The following SYT2 variants were observed in gnomAD, a reference collection of about 807,000 sequenced individuals.
SYT2 encodes the protein synaptotagmin 2.
Under a neutral mutation model 39.9 loss-of-function variants are expected in SYT2, and 15 were observed. The observed-to-expected ratio is 0.38, with a 90% CI of 0.25 to 0.58. The LOEUF (loss-of-function observed/expected upper bound fraction) is 0.58. Ranked by LOEUF, SYT2 falls within the 20% of genes least tolerant of loss-of-function variation. The probability of loss-of-function intolerance (pLI) is 0.70; values close to 1 mark genes in which losing one functional copy is unlikely to be tolerated. For synonymous variants in SYT2, 181 were observed against 204.5 expected, an observed-to-expected ratio of 0.89 and a Z score of 0.98; for missense variants, 389 against 530.3, an observed-to-expected ratio of 0.73 and a Z score of 2.62.
At chr1:202,672,764 A>G (rs1572671023) in intron 1 of SYT2, among the ~76,000 whole-genome samples, 2 of 15,100 alleles carry the variant, frequency 1.3e-4, no homozygotes, top group Non-Finnish European at 4.6e-4. Flanking sequence ...GTGGGAAATG[A>G]GAGAGGGAGG....
At chr1:202,655,068 C>A (rs147472100) in intron 1 of SYT2, among the ~76,000 whole-genome samples, 268 of 152,124 alleles carry the variant, frequency 1.8e-3, no homozygotes, top group African/African-American at 6.2e-3. Flanking sequence ...TAGAGTCAGA[C>A]CAGGTGTGAA....
intron 1 of SYT2, among the ~76,000 whole-genome samples, chr1:202,687,666 C>CAAAAAAAAAAAAAAAAAAAAAAA: frequency 1.2e-5 from 1 of 83,958 alleles, no homozygotes; most frequent in South Asian, 3.8e-4. Flanking sequence ...AACTCCATCT[C>CAAAAAAAAAAAAAAAAAAAAAAA]AAAAAAAAAA....
intron 1 of SYT2, among the ~76,000 whole-genome samples, chr1:202,706,503 CATAGTTACAA>C (rs1381506879): frequency 7.9e-5 from 12 of 152,140 alleles, no homozygotes; most frequent in Non-Finnish European, 1.3e-4. Context: ...CAATCTACGT[CATAGTTACAA>C]ATTTTAGCTC....
chr1:202,686,370 G>T (rs1438890590), intron 1 of SYT2, among the ~76,000 whole-genome samples: 1 of 152,194 alleles, frequency 6.6e-6, no homozygotes, highest in Admixed American at 6.5e-5. Context: ...AGTCCTTGCT[G>T]TCACCTTCTT....
intron 1 of SYT2, among the ~76,000 whole-genome samples, chr1:202,640,751 A>G (rs1257731842): frequency 8.4e-5 from 9 of 107,292 alleles, no homozygotes; most frequent in Non-Finnish European, 1.5e-4. Context: ...AGAGAGAGAG[A>G]GAGAGAGAGA....
In SYT2 at chr1:202,689,741, C is replaced by T. The variant is rs796066677; in HGVS notation, c.-18+20517G>A. Among the ~76,000 whole-genome samples, 7 of 152,194 alleles carry T rather than the reference C, an allele frequency of 4.6e-5. 1 individual carries two copies. The highest frequency in any genetic ancestry group is 1.7e-4 in the African/African-American group (7 of 41,500). Reference sequence around the variant, plus strand: ...GATCCTCTCAGACATCCCAGGGCTGCAGGCTGCTCCTTTACCACTAGTGAT... The same window carrying T: ...GATCCTCTCAGACATCCCAGGGCTGTAGGCTGCTCCTTTACCACTAGTGAT... On this transcript the variant is annotated intron_variant, in intron 1 of 8. Coordinates refer to ENST00000367268, the MANE Select transcript of SYT2 (RefSeq NM_177402.5).
chr1:202,692,058 A>G (rs1473618099), intron 1 of SYT2, among the ~76,000 whole-genome samples: 2 of 151,924 alleles, frequency 1.3e-5, no homozygotes, highest in African/African-American at 4.8e-5. Context: ...ACACCACTCT[A>G]TCCAGCCATG....
intron 1 of SYT2, among the ~76,000 whole-genome samples, chr1:202,658,113 A>G (rs28522709): frequency 3.3e-5 from 5 of 152,078 alleles, no homozygotes; most frequent in African/African-American, 1.2e-4. Context: ...AATAAACTAA[A>G]AGGATTGGAC....
chr1:202,608,082 C>T (rs1451964924), intron 1 of SYT2, among the ~76,000 whole-genome samples: 2 of 152,194 alleles, frequency 1.3e-5, no homozygotes, highest in African/African-American at 2.4e-5. Context: ...CCAGCTCCAG[C>T]AACCACTAAT....
chr1:202,673,733 T>C (rs764236182), intron 1 of SYT2, among the ~76,000 whole-genome samples: 8 of 152,270 alleles, frequency 5.3e-5, no homozygotes, highest in Non-Finnish European at 8.8e-5. Flanking sequence ...TCTGTTCCCA[T>C]GGCTGTCTCC....
intron 1 of SYT2, among the ~76,000 whole-genome samples, chr1:202,696,778 C>T (rs66721548): frequency 0.26 from 39,303 of 152,160 alleles, 5,493 homozygotes; most frequent in East Asian, 0.37. Flanking sequence ...GACGTAATAT[C>T]ATGAATTTTC....
At chr1:202,627,332 G>T in intron 1 of SYT2, 1 of 515,250 alleles carries the variant, frequency 1.9e-6, no homozygotes, top group Non-Finnish European at 2.5e-6. Flanking sequence ...TGATTGCTGA[G>T]CCTGATAGCA....
chr1:202,601,879 T>C lies in SYT2; in HGVS notation c.801+11A>G. ...TCTTTCTGCCCAACCTGGCCTCATC[T>C]CTGCTCTTACCTCCTCCTTTTCCCC... On this transcript the variant is annotated intron_variant, in intron 6 of 8. Transcript: ENST00000367268. This position sits in a 1 kb window ranked among gnomAD's most constrained non-coding sequence, Gnocchi z 4.0. 1.9e-6 allele frequency: 3 copies of C among 1,612,672 alleles called. No individual in the cohort carries two copies. The highest frequency in any genetic ancestry group is 1.7e-6 in the Non-Finnish European group (2 of 1,179,316).
chr1:202,644,199 A>T (rs935061165), intron 1 of SYT2, among the ~76,000 whole-genome samples: 28 of 151,754 alleles, frequency 1.8e-4, no homozygotes, highest in African/African-American at 6.5e-4. Flanking sequence ...GGGAGGGGAG[A>T]AAGGGCGATG....
chr1:202,681,783 G>A (rs769300454), intron 1 of SYT2, among the ~76,000 whole-genome samples: 3 of 152,186 alleles, frequency 2.0e-5, no homozygotes, highest in African/African-American at 2.4e-5. Flanking sequence ...TAAATCAGCT[G>A]AGCAGTCAGG....
chr1:202,679,665 C>T (rs1414356975), intron 1 of SYT2, among the ~76,000 whole-genome samples: 2 of 152,194 alleles, frequency 1.3e-5, no homozygotes, highest in African/African-American at 4.8e-5. Flanking sequence ...GTCTGCACCA[C>T]TCCCCTTCAA....
chr1:202,679,935 C>T (rs1334683625), intron 1 of SYT2, among the ~76,000 whole-genome samples: 2 of 152,182 alleles, frequency 1.3e-5, no homozygotes, highest in Non-Finnish European at 2.9e-5. Flanking sequence ...GCCGAGAATG[C>T]CCCTATTCAT....
intron 1 of SYT2, chr1:202,632,181 T>C (rs1383628549): frequency 1.4e-6 from 1 of 730,490 alleles, no homozygotes; most frequent in Non-Finnish European, 1.7e-6. Context: ...GGCACATTGC[T>C]GTGGGGGTCT....
chr1:202,686,182 T>C (rs751272534), intron 1 of SYT2, among the ~76,000 whole-genome samples: 4 of 152,200 alleles, frequency 2.6e-5, no homozygotes, highest in Non-Finnish European at 5.9e-5. Context: ...CCTTCTGCCA[T>C]GATTGGAAGC....
Sources: allele counts gnomAD v4.1 joint callset (sites outside exome capture counted in the v4.1 genomes callset), GRCh38; gene constraint gnomAD v4.1.1; non-coding constraint Gnocchi (gnomAD v3.1); transcripts MANE v1.5; gene names NCBI Gene and HGNC (gene_info 2026-07-23, HGNC 2026-07-21).